ACBD5: variants seen among roughly 807,000 people sequenced by gnomAD.
ACBD5 encodes the protein acyl-CoA binding domain containing 5.
Under a neutral mutation model 71.8 loss-of-function variants are expected in ACBD5, and 40 were observed. The ratio of observed to expected loss-of-function variants is 0.56; its 90% CI spans 0.43 to 0.72. The LOEUF (loss-of-function observed/expected upper bound fraction) is 0.72, where lower values mean the gene tolerates loss of function less well. Among genes scored for constraint, ACBD5 ranks in the 30% least tolerant of loss-of-function variants. ACBD5 has a pLI of 0.00. For missense variants in ACBD5, 559 were observed against 644.5 expected (o/e 0.87, Z 1.44); for synonymous variants, 229 against 218.6 (o/e 1.05, Z -0.42).
chr10:27,207,994 CA>C (rs2060648980), intron 10 of ACBD5, among the ~76,000 whole-genome samples: 1 of 152,166 alleles, frequency 6.6e-6, no homozygotes, highest in Non-Finnish European at 1.5e-5. Flanking sequence ...CTCGGCCTCC[CA>C]AAGTGTTGGG....
chr10:27,213,377 T>A (rs1203372403), intron 8 of ACBD5, among the ~76,000 whole-genome samples: 2 of 152,144 alleles, frequency 1.3e-5, no homozygotes, highest in East Asian at 1.9e-4. Flanking sequence ...GGCAAGGATG[T>A]GAAGAAAAGG....
In ACBD5 at chr10:27,210,182, G is replaced by C. The variant is rs533893282; in HGVS notation, c.1204+632C>G. Among the ~76,000 whole-genome samples, 3 of 152,286 alleles carry C rather than the reference G, an allele frequency of 2.0e-5. No homozygotes were observed. In the East Asian group the frequency reaches 5.8e-4, roughly 29 times the overall value. ...AATTTTACATTTGCTAATATAATGGGCAAGTTTTGTTTTGAATAATAAATA... is the reference window on the plus strand; with the variant it reads ...AATTTTACATTTGCTAATATAATGGCCAAGTTTTGTTTTGAATAATAAATA... On this transcript the variant is annotated intron_variant, in intron 9 of 12. Coordinates refer to ENST00000396271, the MANE Select transcript of ACBD5 (RefSeq NM_145698.5).
In ACBD5 at chr10:27,240,429, C is replaced by T. The variant is rs779034551; in HGVS notation, c.71G>A (p.Arg24Lys). 8.1e-6 allele frequency: 13 copies of T among 1,614,024 alleles called. No individual in the cohort carries two copies. Among genetic ancestry groups the T allele is most frequent in the Non-Finnish European group, 1.1e-5 (13 of 1,180,040 alleles). Residue 24 changes from arginine to lysine, a missense_variant, in exon 2 of 13, where the codon AGA (arginine) becomes AAA (lysine). Transcript: ENST00000396271. This position sits in a 1 kb window ranked among gnomAD's most constrained non-coding sequence, Gnocchi z 4.1. ...CCAGTGTTGGCCCCGGTCCCAAGGT[C>T]TGTCGGCGGGAATCAGGCAGCAGCA... is the stretch of plus-strand genomic sequence containing the variant. ...WCCCCLIPAD[R>K]PWDRGQHWQL...
chr10:27,237,903 C>T (rs2064947544), intron 2 of ACBD5, among the ~76,000 whole-genome samples: 1 of 151,656 alleles, frequency 6.6e-6, no homozygotes, highest in African/African-American at 2.4e-5. Flanking sequence ...GTGTGAGCCA[C>T]CACGCCTGGC....
At chr10:27,217,067 A>ACCTG (rs2061715265) in intron 7 of ACBD5, among the ~76,000 whole-genome samples, 3 of 149,294 alleles carry the variant, frequency 2.0e-5, no homozygotes, top group African/African-American at 7.4e-5. Flanking sequence ...AATGGCGTGA[A>ACCTG]ACCAGGAGGC....
intron 10 of ACBD5, 109 bp downstream of exon 10, chr10:27,208,136 TA>T (rs2060663757): frequency 5.9e-6 from 7 of 1,193,678 alleles, no homozygotes; most frequent in Non-Finnish European, 7.3e-6. Context: ...TTCTATTTTC[TA>T]AAAAAATCAG....
At position 27,216,278 on chromosome 10, in the gene ACBD5, T is replaced by A. The variant is rs547013876; in HGVS notation, c.830-637A>T. Among the ~76,000 whole-genome samples the A allele has an allele frequency of 3.4e-4, 52 of 152,334 alleles. 2 individuals are homozygous for A. In the South Asian group the frequency reaches 0.011, roughly 32 times the overall value. ...GCCTCAGTCTCCAAGTAGCTGGGAT[T>A]ACAGGTGCACACCACCAAGCCCAGC... On this transcript the variant is annotated intron_variant, in intron 7 of 12. Transcript: ENST00000396271.
At chr10:27,220,511 G>C (rs988159277) in intron 5 of ACBD5, 2 of 152,180 alleles carry the variant, frequency 1.3e-5, no homozygotes, top group African/African-American at 4.8e-5. Flanking sequence ...GGTGATCTAA[G>C]ATTCCAAATT....
chr10:27,224,363 A>C (rs2137700044), intron 4 of ACBD5, among the ~76,000 whole-genome samples: 1 of 152,266 alleles, frequency 6.6e-6, no homozygotes, highest in Non-Finnish European at 1.5e-5. Flanking sequence ...TAGGCAACAG[A>C]GCGAGATCTT....
intron 12 of ACBD5, among the ~76,000 whole-genome samples, chr10:27,198,914 T>TC (rs1176653689): frequency 6.6e-6 from 1 of 151,904 alleles, no homozygotes; most frequent in East Asian, 2.0e-4. Flanking sequence ...ATCAAGACCA[T>TC]CCTGCTAACA....
chr10:27,238,605 T>A (rs1230749210), intron 2 of ACBD5, among the ~76,000 whole-genome samples: 1 of 152,116 alleles, frequency 6.6e-6, no homozygotes, highest in African/African-American at 2.4e-5. Flanking sequence ...TATGCCCTCC[T>A]CCAATAGAAT....
intron 12 of ACBD5, among the ~76,000 whole-genome samples, chr10:27,202,266 A>C (rs2060003168): frequency 6.6e-6 from 1 of 152,236 alleles, no homozygotes; most frequent in South Asian, 2.1e-4. Context: ...AACCACAGTT[A>C]ATCTATTACA....
Position 27,223,421 on chromosome 10 carries a change from A to C in ACBD5, c.407T>G (p.Val136Gly). 6 of 1,613,642 alleles carry C rather than the reference A, an allele frequency of 3.7e-6. No homozygotes were observed. Among genetic ancestry groups the C allele is most frequent in the Non-Finnish European group, 5.1e-6 (6 of 1,179,974 alleles). ...IIETMPMTEKVEELLRVIGPF... is the reference protein window; with the variant it reads ...IIETMPMTEKGEELLRVIGPF... ...ACCTATGACACGCAGCAATTCTTCA[A>C]CTTTCTCAGTCATTGGCATAGTTTC... is the stretch of plus-strand genomic sequence containing the variant. The change falls in exon 5 of 13, where the codon GTT (valine) becomes GGT (glycine). Residue 136 changes from valine (V) to glycine (G), a missense_variant. Val to Gly is a moderately radical substitution (Grantham distance 109). Transcript: ENST00000396271.
At chr10:27,224,624 G>A (rs139635364) in intron 4 of ACBD5, among the ~76,000 whole-genome samples, 29 of 152,294 alleles carry the variant, frequency 1.9e-4, no homozygotes, top group African/African-American at 6.5e-4. Flanking sequence ...TAACTAAACA[G>A]CCATCAATTG....
Position 27,195,756 on chromosome 10 carries a change from GAA to G in ACBD5, c.*1672_*1673del, listed in dbSNP as rs1215128630. On this transcript the variant is annotated 3_prime_UTR_variant, in exon 13 of 13. Transcript: ENST00000396271. ...AAGTTATTTGAAAGAAAAAAATAAGGAAAAAGAGTTTGGGAAAAGTAAATTGT... is the reference window on the plus strand; with the variant it reads ...AAGTTATTTGAAAGAAAAAAATAAGGAAAGAGTTTGGGAAAAGTAAATTGT... 1.2e-5 allele frequency: 5 copies of G among 411,952 alleles called. No individual in the cohort carries two copies. The allele number at this position is 411,952 out of a possible 1,614,324, so 25.5% of individuals were successfully genotyped here. A position where few individuals can be genotyped will look rare whatever the true frequency, so the allele number is the denominator to read the frequency against.
upstream of ACBD5, chr10:27,240,826 C>A (rs1564748862): frequency 3.2e-5 from 43 of 1,329,006 alleles, 1 homozygote; most frequent in South Asian, 4.9e-4. The surrounding 1 kb of genome is among the most constrained non-coding windows in gnomAD (Gnocchi z 4.1). Context: ...CACAGCCCCG[C>A]CCCAGAGTCA....
chr10:27,237,288 C>T (rs1357544437), intron 2 of ACBD5, among the ~76,000 whole-genome samples: 1 of 152,006 alleles, frequency 6.6e-6, no homozygotes, highest in Non-Finnish European at 1.5e-5. Context: ...GATTTCTGTC[C>T]TCAAGGTGCT....
chr10:27,212,091 G>A (rs916318328), intron 8 of ACBD5, among the ~76,000 whole-genome samples: 3 of 152,194 alleles, frequency 2.0e-5, no homozygotes, highest in Non-Finnish European at 2.9e-5. Flanking sequence ...GCTCACACCT[G>A]TAATCCCAGC....
intron 5 of ACBD5, among the ~76,000 whole-genome samples, chr10:27,221,188 G>C (rs2062287966): frequency 6.6e-6 from 1 of 152,130 alleles, no homozygotes; most frequent in South Asian, 2.1e-4. Context: ...TTTTGCAAAG[G>C]TTATATGGTA....
Sources: allele counts gnomAD v4.1 joint callset (sites outside exome capture counted in the v4.1 genomes callset), GRCh38; gene constraint gnomAD v4.1.1; non-coding constraint Gnocchi (gnomAD v3.1); transcripts MANE v1.5; gene names NCBI Gene and HGNC (gene_info 2026-07-23, HGNC 2026-07-21).